The following EXOSC2 variants were observed in gnomAD, a reference collection of about 807,000 sequenced individuals.
EXOSC2 encodes exosome complex component RRP4.
EXOSC2 carries 29 observed loss-of-function variants against 37.6 expected under a neutral mutation model. The ratio of observed to expected loss-of-function variants is 0.77; its 90% CI spans 0.57 to 1.05. EXOSC2 has a LOEUF of 1.05. Among genes scored for constraint, EXOSC2 ranks in the 50% least tolerant of loss-of-function variants. The probability of loss-of-function intolerance (pLI) is 0.00; values close to 1 mark genes in which losing one functional copy is unlikely to be tolerated. For missense variants in EXOSC2, 346 were observed against 365.6 expected, an observed-to-expected ratio of 0.95 and a Z score of 0.44; for synonymous variants, 119 against 131.1, an observed-to-expected ratio of 0.91 and a Z score of 0.63.
At chr9:130,699,849 A>T (rs1393557354) in intron 5 of EXOSC2, 1 of 160,868 alleles carries the variant, frequency 6.2e-6, no homozygotes, top group Non-Finnish European at 1.4e-5. Context: ...CAAAAAAATT[A>T]AAAAAGAATT....
At chr9:130,695,855 C>CTTTT (rs397721632) in intron 2 of EXOSC2, among the ~76,000 whole-genome samples, 8 of 111,174 alleles carry the variant, frequency 7.2e-5, no homozygotes, top group Admixed American at 2.1e-4. Context: ...AGGATTTTCT[C>CTTTT]TTTTTTTTTT....
At position 130,698,345 on chromosome 9, in the gene EXOSC2, G is replaced by A; in HGVS notation, c.360+94G>A. The A allele has an allele frequency of 8.7e-7, 1 of 1,146,830 alleles. No homozygotes were observed. The highest frequency in any genetic ancestry group is 1.3e-6 in the Non-Finnish European group (1 of 783,150). The allele number at this position is 1,146,830 out of a possible 1,614,324, so 71.0% of individuals were successfully genotyped here. A position where few individuals can be genotyped will look rare whatever the true frequency, so the allele number is the denominator to read the frequency against. ...CCACCAGAGGACTTTGATTTACACTGAGGTTGCCCCTTTGACTCCTGTTTG... is the reference window on the plus strand; with the variant it reads ...CCACCAGAGGACTTTGATTTACACTAAGGTTGCCCCTTTGACTCCTGTTTG... On this transcript the variant is annotated intron_variant, in intron 4 of 8. Transcript: ENST00000372358. The surrounding 1 kb of genome is among the most constrained non-coding windows in gnomAD (Gnocchi z 4.1).
chr9:130,695,238 T>C (rs1338177359), intron 1 of EXOSC2, among the ~76,000 whole-genome samples: 1 of 151,998 alleles, frequency 6.6e-6, no homozygotes, highest in Non-Finnish European at 1.5e-5. Flanking sequence ...GGCAACAGGG[T>C]GGGCTGTGTT....
chr9:130,695,444 T>C lies in EXOSC2; in HGVS notation c.123-48T>C, dbSNP rs112461394. On this transcript the variant is annotated intron_variant, in intron 1 of 8. Coordinates refer to ENST00000372358, the MANE Select transcript of EXOSC2 (RefSeq NM_014285.7). The stretch of plus-strand genomic sequence containing the variant: ...GTTGTTCTTGAAGGGAGAGAAGTCA[T>C]TTCGAGTTACCCTCGTATCCTTTCT... 1.0e-5 allele frequency: 16 copies of C among 1,530,182 alleles called. No individual in the cohort carries two copies. In the African/African-American group the frequency reaches 1.4e-4, roughly 13 times the overall value. The allele number at this position is 1,530,182 out of a possible 1,614,324, so 94.8% of individuals were successfully genotyped here. A position where few individuals can be genotyped will look rare whatever the true frequency, so the allele number is the denominator to read the frequency against.
At chr9:130,701,854 T>C (rs1387887194) in intron 6 of EXOSC2, 1 of 1,177,334 alleles carries the variant, frequency 8.5e-7, no homozygotes, top group Non-Finnish European at 1.1e-6. Flanking sequence ...GCTTCTCTAA[T>C]GTCTGGCACA....
Position 130,694,960 on chromosome 9 carries a change from G to T in EXOSC2, c.123-532G>T, listed in dbSNP as rs1045305030. Among the ~76,000 whole-genome samples, 2 of 151,408 alleles carry T rather than the reference G, an allele frequency of 1.3e-5. No individual in the cohort carries two copies. The highest frequency in any genetic ancestry group is 2.4e-5 in the African/African-American group (1 of 41,142). On this transcript the variant is annotated intron_variant, in intron 1 of 8. Coordinates refer to ENST00000372358, the MANE Select transcript of EXOSC2 (RefSeq NM_014285.7). The surrounding 1 kb of genome is among the most constrained non-coding windows in gnomAD (Gnocchi z 4.0). ...CCCTGACCTCAAGTGTGATCTGCCC[G>T]CCTCGGCCTCCCAAAGTGCTGGGAT...
intron 2 of EXOSC2, among the ~76,000 whole-genome samples, chr9:130,697,074 T>C (rs1053478759): frequency 2.0e-5 from 3 of 152,132 alleles, no homozygotes; most frequent in African/African-American, 7.2e-5. Flanking sequence ...AGGTATTAGA[T>C]TGAGTGGCCG....
In EXOSC2 at chr9:130,703,834, GT is replaced by G. The variant is rs1310636282; in HGVS notation, c.*61del. On this transcript the variant is annotated 3_prime_UTR_variant, in exon 9 of 9. Coordinates refer to ENST00000372358, the MANE Select transcript of EXOSC2 (RefSeq NM_014285.7). ...GCAGGAGTGAAGACTGTGATGTGTG[GT>G]CCCCATATGTGGCTCAGCAAAGACT... is the stretch of plus-strand genomic sequence containing the variant. The G allele has an allele frequency of 1.5e-6, 2 of 1,346,642 alleles. No individual in the cohort carries two copies. Among genetic ancestry groups the G allele is most frequent in the Non-Finnish European group, 2.1e-6 (2 of 959,134 alleles). 83.4% of individuals were successfully genotyped at this position (1,346,642 alleles called of 1,614,324 possible).
rs144008421 is a variant in EXOSC2, at chr9:130,694,634, T to C, written c.122+721T>C. 4.3e-4 allele frequency among the ~76,000 whole-genome samples: 65 copies of C among 152,310 alleles called. No homozygotes were observed. The East Asian group carries it at 9.8e-3, about 23-fold the overall frequency. On this transcript the variant is annotated intron_variant, in intron 1 of 8. Coordinates refer to ENST00000372358, the MANE Select transcript of EXOSC2 (RefSeq NM_014285.7). This position sits in a 1 kb window ranked among gnomAD's most constrained non-coding sequence, Gnocchi z 4.0. Reference sequence around the variant, plus strand: ...GTGTTTCAACCTTTATTATTATTATTTTTTTACTTGTATATGTACAAGGGG... The same window carrying C: ...GTGTTTCAACCTTTATTATTATTATCTTTTTACTTGTATATGTACAAGGGG...
At chr9:130,697,909 T>G (rs1831130981) in intron 3 of EXOSC2, 1 of 539,920 alleles carries the variant, frequency 1.9e-6, no homozygotes, top group African/African-American at 1.9e-5. Flanking sequence ...TTCTCCTGCC[T>G]CAGCCTCCCA....
At chr9:130,697,446 A>G in intron 2 of EXOSC2, 136 bp from the exon 3 acceptor site, 1 of 784,210 alleles carries the variant, frequency 1.3e-6, no homozygotes, top group Admixed American at 2.0e-5. Context: ...AGTCCAGACA[A>G]TATAGTTACA....
At position 130,693,866 on chromosome 9, in the gene EXOSC2, T is replaced by C. The variant is rs752323145; in HGVS notation, c.75T>C (p.His25=). ...GACTGGGCCGCGACACTAAGAAACA[T>C]CTAGTGGTGCCGGGGGATACAATCA... ...SERLGRDTKK[H]LVVPGDTITT... is the part of the protein sequence containing the mutation. Residue 25 remains histidine, a synonymous_variant, in exon 1 of 9, where the codon CAT becomes CAC. Coordinates refer to ENST00000372358, the MANE Select transcript of EXOSC2 (RefSeq NM_014285.7). The C allele has an allele frequency of 9.3e-6, 15 of 1,612,100 alleles. No individual in the cohort carries two copies. In the African/African-American group the frequency reaches 2.0e-4, roughly 22 times the overall value.
At position 130,693,827 on chromosome 9, in the gene EXOSC2, G is replaced by A. The variant is rs146844600; in HGVS notation, c.36G>A (p.Lys12=). 5.6e-4 allele frequency: 894 copies of A among 1,610,680 alleles called. No homozygotes were observed. The highest frequency in any genetic ancestry group is 6.4e-4 in the Non-Finnish European group (752 of 1,177,814). The part of the protein sequence containing the change: ...AMEMRLPVAR[K]PLSERLGRDT... ...AGATGAGGCTTCCAGTGGCTCGCAA[G>A]CCTCTTAGCGAGAGACTGGGCCGCG... is the stretch of plus-strand genomic sequence containing the variant. Residue 12 remains lysine (K), a synonymous_variant, in exon 1 of 9, where the codon AAG becomes AAA. Coordinates refer to ENST00000372358, the MANE Select transcript of EXOSC2 (RefSeq NM_014285.7).
chr9:130,693,891 A>C lies in EXOSC2; in HGVS notation c.100A>C (p.Thr34Pro), dbSNP rs750165716. The change falls in exon 1 of 9, where the codon ACT (threonine) becomes CCT (proline). Residue 34 changes from threonine to proline, a missense_variant. Thr to Pro is a conservative substitution (Grantham distance 38, BLOSUM62 -1). Transcript: ENST00000372358. ...KHLVVPGDTI[T>P]TDTGFMRGHG... ...TCTAGTGGTGCCGGGGGATACAATC[A>C]CTACGGACACAGGATTCATGCGGTA... The C allele has an allele frequency of 6.2e-7, 1 of 1,610,660 alleles. No individual in the cohort carries two copies. The highest frequency in any genetic ancestry group is 1.1e-5 in the South Asian group (1 of 90,942).
rs757541168 is a variant in EXOSC2, at chr9:130,702,224, A to G, written c.586A>G (p.Ile196Val). 1.9e-6 allele frequency: 3 copies of G among 1,614,094 alleles called. No individual in the cohort carries two copies. The highest frequency in any genetic ancestry group is 2.5e-6 in the Non-Finnish European group (3 of 1,180,020). Residue 196 changes from isoleucine (I) to valine (V), a missense_variant, in exon 7 of 9, where the codon ATT (isoleucine) becomes GTT (valine). By Grantham distance (29) the Ile-to-Val change is conservative. Coordinates refer to ENST00000372358, the MANE Select transcript of EXOSC2 (RefSeq NM_014285.7). The stretch of plus-strand genomic sequence containing the variant: ...TGATTTGCCATGTGGTGCCTCAGTG[A>G]TTCTCGGTAACAACGGCTTCATCTG... The part of the protein sequence containing the change: ...FHDLPCGASV[I>V]LGNNGFIWIY...
Position 130,703,720 on chromosome 9 carries a change from A to G in EXOSC2, c.828A>G (p.Ile276Met). ...TCAAAGACATCTTAAAGCCAGAAAT[A>G]ATGGAGGAGATTGTGATGGAAACAC... ...HQIKDILKPE[I>M]MEEIVMETRQ... Residue 276 changes from isoleucine to methionine, a missense_variant, in exon 9 of 9, where the codon ATA becomes ATG. Coordinates refer to ENST00000372358, the MANE Select transcript of EXOSC2 (RefSeq NM_014285.7). 1 of 1,613,926 alleles carries G rather than the reference A, an allele frequency of 6.2e-7. No individual in the cohort carries two copies. The highest frequency in any genetic ancestry group is 2.2e-5 in the East Asian group (1 of 44,882).
rs1169305211 is a variant in EXOSC2, at chr9:130,703,105, T to G, written c.725T>G (p.Ile242Ser). The change falls in exon 8 of 9, where the codon ATC becomes AGC. Residue 242 changes from isoleucine (I) to serine (S), a missense_variant. Physicochemically the swap from Ile to Ser is moderately radical, Grantham distance 142 (BLOSUM62 -2). Transcript: ENST00000372358. Reference sequence around the variant, plus strand: ...ATATCCCGGCTTCGGAACTGCATCATCTCGCTGGTAACTCAGAGGATGATG... The same window carrying G: ...ATATCCCGGCTTCGGAACTGCATCAGCTCGCTGGTAACTCAGAGGATGATG... ...EVISRLRNCI[I>S]SLVTQRMMLY... 1.2e-6 allele frequency: 2 copies of G among 1,614,042 alleles called. No individual in the cohort carries two copies. The highest frequency in any genetic ancestry group is 1.1e-5 in the South Asian group (1 of 91,078).
At chr9:130,703,029 T>C in intron 7 of EXOSC2, 24 bp from the exon 8 acceptor site, 1 of 1,599,042 alleles carries the variant, frequency 6.3e-7, no homozygotes, top group Non-Finnish European at 8.6e-7. Flanking sequence ...GTATTTCCCT[T>C]CCCCTCTCTG....
At chr9:130,696,822 C>T (rs998141422) in intron 2 of EXOSC2, among the ~76,000 whole-genome samples, 6 of 151,974 alleles carry the variant, frequency 3.9e-5, no homozygotes, top group South Asian at 2.1e-4. Context: ...AGGAACTCTC[C>T]GAGGTTTTTG....
Sources: gnomAD v4.1 joint callset for allele counts (sites outside exome capture counted in the v4.1 genomes callset) on GRCh38, gnomAD v4.1.1 for gene constraint, Gnocchi (gnomAD v3.1) non-coding constraint, MANE v1.5 for transcripts, NCBI Gene and HGNC (gene_info 2026-07-23, HGNC 2026-07-21) for gene names.